ZNRF3: variants seen among roughly 807,000 people sequenced by gnomAD.
The protein encoded by ZNRF3 is E3 ubiquitin-protein ligase ZNRF3.
A neutral mutation model predicts 72.5 loss-of-function variants in ZNRF3; 23 were observed. The ratio of observed to expected loss-of-function variants is 0.32; its 90% CI spans 0.23 to 0.45. The LOEUF (loss-of-function observed/expected upper bound fraction) is 0.45, where lower values mean the gene tolerates loss of function less well. ZNRF3 is among the 20% of genes least tolerant of loss of function. The pLI is 1.00. For missense variants in ZNRF3, 1,169 were observed against 1,272.1 expected, an observed-to-expected ratio of 0.92 and a Z score of 1.23; for synonymous variants, 610 against 545.3, an observed-to-expected ratio of 1.12 and a Z score of -1.65.
chr22:28,947,313 G>A (rs931260558), intron 1 of ZNRF3, among the ~76,000 whole-genome samples: 15 of 152,148 alleles, frequency 9.9e-5, no homozygotes, highest in African/African-American at 3.4e-4. Flanking sequence ...GAACAATGCT[G>A]CTATGAATGT....
intron 1 of ZNRF3, among the ~76,000 whole-genome samples, chr22:28,895,152 C>A (rs951244440): frequency 3.3e-5 from 5 of 152,182 alleles, no homozygotes; most frequent in Non-Finnish European, 4.4e-5. Context: ...CCCAACCAAC[C>A]TGAGTGTGAG....
At chr22:29,043,828 G>T (rs774572850) in intron 4 of ZNRF3, among the ~76,000 whole-genome samples, 1 of 152,152 alleles carries the variant, frequency 6.6e-6, no homozygotes, top group Non-Finnish European at 1.5e-5. Flanking sequence ...AGAAAAAAAG[G>T]CTTGTATTTC....
chr22:28,959,677 G>A (rs913058197), intron 1 of ZNRF3, among the ~76,000 whole-genome samples: 1 of 152,192 alleles, frequency 6.6e-6, no homozygotes, highest in Non-Finnish European at 1.5e-5. Flanking sequence ...TTGTGTTGAA[G>A]CCCTAACTCC....
At chr22:29,020,282 A>G (rs1258771780) in intron 2 of ZNRF3, among the ~76,000 whole-genome samples, 1 of 125,762 alleles carries the variant, frequency 8.0e-6, no homozygotes, top group Non-Finnish European at 1.6e-5. Context: ...TTCCCCCAAG[A>G]CAGAGTTTTG....
chr22:28,972,894 C>T (rs1280973225), intron 1 of ZNRF3, among the ~76,000 whole-genome samples: 1 of 152,174 alleles, frequency 6.6e-6, no homozygotes, highest in Non-Finnish European at 1.5e-5. Context: ...TATTCAGATC[C>T]TATGCCCATT....
chr22:29,050,064 C>T lies in ZNRF3; in HGVS notation c.1883C>T (p.Pro628Leu), dbSNP rs541600982. 65 of 1,607,284 alleles carry T rather than the reference C, an allele frequency of 4.0e-5. No homozygotes were observed. Among genetic ancestry groups the T allele is most frequent in the African/African-American group, 3.2e-4 (24 of 74,952 alleles). The change falls in exon 8 of 9, where the codon CCG (proline) becomes CTG (leucine). Residue 628 changes from proline (P) to leucine (L), a missense_variant. Coordinates refer to ENST00000544604, the MANE Select transcript of ZNRF3 (RefSeq NM_001206998.2). Reference sequence around the variant, plus strand: ...CCTGCCCTGTGCTTCGAGGGCTCCCCGCCTCCCGAGGAGCTCCCGGCGGTG... The same window carrying T: ...CCTGCCCTGTGCTTCGAGGGCTCCCTGCCTCCCGAGGAGCTCCCGGCGGTG... ...RGPALCFEGS[P>L]PPEELPAVHS...
intron 1 of ZNRF3, among the ~76,000 whole-genome samples, chr22:28,974,219 C>A (rs914616230): frequency 6.6e-6 from 1 of 152,152 alleles, no homozygotes; most frequent in East Asian, 1.9e-4. Context: ...CCTCGGACTC[C>A]CAAAGTGCTG....
At chr22:28,975,527 AAG>A (rs2035655880) in intron 1 of ZNRF3, among the ~76,000 whole-genome samples, 1 of 150,272 alleles carries the variant, frequency 6.7e-6, no homozygotes, top group African/African-American at 2.4e-5. Context: ...AAAAAAAAAA[AAG>A]AGTTCAAGAC....
intron 1 of ZNRF3, among the ~76,000 whole-genome samples, chr22:28,933,899 G>A (rs2034771672): frequency 6.6e-6 from 1 of 151,550 alleles, no homozygotes; most frequent in African/African-American, 2.4e-5. Flanking sequence ...ACTCATTAGA[G>A]TTGCTCGGTG....
intron 2 of ZNRF3, among the ~76,000 whole-genome samples, chr22:29,032,751 C>T (rs1179505986): frequency 2.6e-5 from 4 of 152,196 alleles, no homozygotes; most frequent in Non-Finnish European, 5.9e-5. Context: ...TGGCCATTTA[C>T]CCTGTGCCAG....
intron 1 of ZNRF3, among the ~76,000 whole-genome samples, chr22:28,949,527 A>G (rs891988775): frequency 6.6e-6 from 1 of 151,858 alleles, no homozygotes; most frequent in African/African-American, 2.4e-5. Flanking sequence ...CAATCTTTCC[A>G]CCTTGACCCC....
chr22:28,968,770 C>G (rs1356218369), intron 1 of ZNRF3, among the ~76,000 whole-genome samples: 2 of 152,102 alleles, frequency 1.3e-5, no homozygotes, highest in Non-Finnish European at 2.9e-5. Flanking sequence ...TAAATTAACC[C>G]CCCAGTGTCG....
intron 2 of ZNRF3, among the ~76,000 whole-genome samples, chr22:29,028,513 G>T (rs1340984266): frequency 3.3e-5 from 5 of 152,176 alleles, no homozygotes; most frequent in Non-Finnish European, 7.3e-5. Flanking sequence ...AATATTTGGA[G>T]GTTCAGCATT....
intron 1 of ZNRF3, among the ~76,000 whole-genome samples, chr22:28,967,701 T>C (rs1601611583): frequency 6.6e-6 from 1 of 151,828 alleles, no homozygotes; most frequent in East Asian, 1.9e-4. Context: ...CTGAGGTGGG[T>C]GGATCACTTG....
At chr22:28,983,703 A>G (rs998807108) in intron 1 of ZNRF3, among the ~76,000 whole-genome samples, 2 of 152,194 alleles carry the variant, frequency 1.3e-5, no homozygotes, top group African/African-American at 4.8e-5. Flanking sequence ...GTTTATTGCC[A>G]TGCGTGTGTA....
intron 2 of ZNRF3, among the ~76,000 whole-genome samples, chr22:29,028,707 A>T (rs2036689454): frequency 6.6e-6 from 1 of 152,154 alleles, no homozygotes; most frequent in African/African-American, 2.4e-5. Context: ...TAAAATGGGG[A>T]TCAACACCAC....
Position 29,001,059 on chromosome 22 carries a change from C to CTTTTTTTTTTTT in ZNRF3, c.426+13874_426+13885dup, listed in dbSNP as rs773296494. 2.1e-4 allele frequency among the ~76,000 whole-genome samples: 16 copies of CTTTTTTTTTTTT among 77,954 alleles called. 4 individuals are homozygous for CTTTTTTTTTTTT. In the East Asian group the frequency reaches 7.7e-3, roughly 38 times the overall value. The allele number at this position is 77,954 out of a possible 152,430, so 51.1% of individuals were successfully genotyped here. On this transcript the variant is annotated intron_variant, in intron 2 of 8. Transcript: ENST00000544604. ...CTGCCTTGGCCTCCCAAAGCTTTGCCTTTTTTTTTTTTTTTTTTTTTTTTT... is the reference window on the plus strand; with the variant it reads ...CTGCCTTGGCCTCCCAAAGCTTTGCCTTTTTTTTTTTTTTTTTTTTTTTTTTTTTTTTTTTTT...
In ZNRF3 at chr22:29,051,855, C is replaced by T. The variant is rs886069222; in HGVS notation, c.2767+907C>T. 8.8e-5 allele frequency among the ~76,000 whole-genome samples: 13 copies of T among 147,938 alleles called. 1 individual carries two copies. The highest frequency in any genetic ancestry group is 4.4e-4 in the South Asian group (2 of 4,548). ...GGGAGGCGGAGGTTGCAGTGAGCCG[C>T]GCTCCAGCCTGAGCGACTCCATCTC... On this transcript the variant is annotated intron_variant, in intron 8 of 8. Transcript: ENST00000544604.
intron 1 of ZNRF3, among the ~76,000 whole-genome samples, chr22:28,917,980 T>C (rs750085168): frequency 1.2e-4 from 19 of 152,252 alleles, no homozygotes; most frequent in Non-Finnish European, 2.4e-4. Context: ...AGCTGGAGTT[T>C]CCATTGAAGT....
Sources: gnomAD v4.1 joint callset for allele counts (sites outside exome capture counted in the v4.1 genomes callset) on GRCh38, gnomAD v4.1.1 for gene constraint, MANE v1.5 for transcripts, NCBI Gene and HGNC (gene_info 2026-07-23, HGNC 2026-07-21) for gene names.